The following GABRG3 variants were observed in gnomAD, a reference collection of about 807,000 sequenced individuals.
GABRG3 encodes gamma-aminobutyric acid receptor subunit gamma-3.
Under a neutral mutation model 48.8 loss-of-function variants are expected in GABRG3, and 25 were observed. The observed-to-expected ratio is 0.51, with a 90% CI of 0.37 to 0.72. GABRG3 has a LOEUF of 0.72. Among genes scored for constraint, GABRG3 ranks in the 30% least tolerant of loss-of-function variants. GABRG3 has a pLI of 0.00. For synonymous variants in GABRG3, 227 were observed against 217.6 expected (o/e 1.04, Z -0.38); for missense variants, 394 against 577.9 (o/e 0.68, Z 3.26).
At chr15:27,207,116 C>G (rs1455303963) in intron 3 of GABRG3, among the ~76,000 whole-genome samples, 1 of 152,108 alleles carries the variant, frequency 6.6e-6, no homozygotes, top group African/African-American at 2.4e-5. Flanking sequence ...GTTATGTAGA[C>G]TTGATTGTGT....
At chr15:27,229,476 GTTGT>G (rs1233012962) in intron 3 of GABRG3, among the ~76,000 whole-genome samples, 2 of 150,608 alleles carry the variant, frequency 1.3e-5, no homozygotes, top group African/African-American at 2.5e-5. Flanking sequence ...TGTGTGTGTT[GTTGT>G]TTGTTTGTTT....
intron 3 of GABRG3, among the ~76,000 whole-genome samples, chr15:27,147,729 G>A (rs1898235808): frequency 6.6e-6 from 1 of 151,536 alleles, no homozygotes; most frequent in Non-Finnish European, 1.5e-5. Context: ...ATAAAAAGTG[G>A]GTCAAATAAG....
At chr15:27,276,338 G>A (rs186983326) in intron 3 of GABRG3, among the ~76,000 whole-genome samples, 3 of 152,278 alleles carry the variant, frequency 2.0e-5, no homozygotes, top group Non-Finnish European at 2.9e-5. Flanking sequence ...GACAGATCCC[G>A]AATATGCTGT....
At chr15:27,205,910 G>A (rs1011597023) in intron 3 of GABRG3, among the ~76,000 whole-genome samples, 1 of 151,836 alleles carries the variant, frequency 6.6e-6, no homozygotes, top group Non-Finnish European at 1.5e-5. Flanking sequence ...ATGGTTGGTG[G>A]TAATGTCTCC....
chr15:27,486,620 T>C (rs1166283582), intron 6 of GABRG3, among the ~76,000 whole-genome samples: 1 of 152,156 alleles, frequency 6.6e-6, no homozygotes, highest in African/African-American at 2.4e-5. Flanking sequence ...TACTTGAACA[T>C]ATCTGCACCA....
chr15:27,238,211 G>A (rs1217699498), intron 3 of GABRG3, among the ~76,000 whole-genome samples: 1 of 151,660 alleles, frequency 6.6e-6, no homozygotes, highest in Non-Finnish European at 1.5e-5. Flanking sequence ...GATGAGGAAT[G>A]TATGCTTCCC....
At chr15:27,331,379 C>T (rs1893795969) in intron 5 of GABRG3, among the ~76,000 whole-genome samples, 5 of 152,066 alleles carry the variant, frequency 3.3e-5, no homozygotes. Context: ...CAAACCACGG[C>T]ATATTCATGC....
chr15:27,321,976 C>T (rs1276141825), intron 3 of GABRG3, among the ~76,000 whole-genome samples: 2 of 152,200 alleles, frequency 1.3e-5, no homozygotes, highest in South Asian at 2.1e-4. Flanking sequence ...GTTCACCAGC[C>T]TGATGGTTTA....
intron 5 of GABRG3, among the ~76,000 whole-genome samples, chr15:27,474,556 C>G (rs78250240): frequency 0.017 from 2,515 of 152,228 alleles, 80 homozygotes; most frequent in African/African-American, 0.058. Flanking sequence ...TTCCCAGCTT[C>G]ATTAGCTTAG....
At chr15:27,449,316 C>T (rs928403274) in intron 5 of GABRG3, among the ~76,000 whole-genome samples, 2 of 152,196 alleles carry the variant, frequency 1.3e-5, no homozygotes, top group South Asian at 4.1e-4. Context: ...CTCCTGACCT[C>T]TCTCAGGAAG....
chr15:27,399,528 G>A (rs1288381679), intron 5 of GABRG3, among the ~76,000 whole-genome samples: 1 of 152,156 alleles, frequency 6.6e-6, no homozygotes, highest in African/African-American at 2.4e-5. Context: ...AAACCATAGT[G>A]CGTTTCCAAT....
intron 6 of GABRG3, among the ~76,000 whole-genome samples, chr15:27,490,510 C>A (rs1214116622): frequency 6.6e-6 from 1 of 152,156 alleles, no homozygotes; most frequent in African/African-American, 2.4e-5. Context: ...AAATGCAGGC[C>A]TGTTTCCTGA....
At chr15:27,126,849 C>T (rs970961744) in intron 3 of GABRG3, among the ~76,000 whole-genome samples, 1 of 152,110 alleles carries the variant, frequency 6.6e-6, no homozygotes, top group Admixed American at 6.6e-5. Context: ...GCATTGGCTT[C>T]AGGTGACAGC....
intron 3 of GABRG3, among the ~76,000 whole-genome samples, chr15:27,053,807 G>A (rs1252590296): frequency 1.3e-5 from 2 of 152,334 alleles, no homozygotes; most frequent in African/African-American, 2.4e-5. Context: ...AAGAATGAAG[G>A]CATATCCTTT....
intron 3 of GABRG3, among the ~76,000 whole-genome samples, chr15:27,103,057 A>G (rs1276389116): frequency 6.6e-6 from 1 of 151,936 alleles, no homozygotes; most frequent in African/African-American, 2.4e-5. Flanking sequence ...GTGAATTATG[A>G]AACTAGTCTT....
In GABRG3 at chr15:26,986,275, G is replaced by A. The variant is rs186387675; in HGVS notation, c.202+9125G>A. ...GAGGAAACAGACATTCTTAATTGCT[G>A]TGCTTGAAGTAAAAGCTATTACTGT... On this transcript the variant is annotated intron_variant, in intron 2 of 9. Coordinates refer to ENST00000615808, the MANE Select transcript of GABRG3 (RefSeq NM_033223.5). 2.5e-3 allele frequency among the ~76,000 whole-genome samples: 382 copies of A among 152,322 alleles called. 3 individuals are homozygous for A. Among genetic ancestry groups the A allele is most frequent in the Admixed American group, 5.0e-3 (76 of 15,298 alleles).
intron 5 of GABRG3, among the ~76,000 whole-genome samples, chr15:27,476,246 A>G (rs1383270772): frequency 6.6e-6 from 1 of 152,214 alleles, no homozygotes; most frequent in Non-Finnish European, 1.5e-5. Context: ...TGTTGTCTAA[A>G]AGCAACAAAG....
intron 3 of GABRG3, among the ~76,000 whole-genome samples, chr15:27,178,940 T>C (rs1282866595): frequency 6.6e-6 from 1 of 152,202 alleles, no homozygotes; most frequent in Non-Finnish European, 1.5e-5. Context: ...GGTTTATGGC[T>C]GGCTTTGTAG....
intron 3 of GABRG3, among the ~76,000 whole-genome samples, chr15:27,047,970 G>C (rs1896391834): frequency 1.3e-5 from 2 of 152,232 alleles, no homozygotes; most frequent in African/African-American, 4.8e-5. Flanking sequence ...GAGAGAATCA[G>C]ATGAGCAGGG....
Sources: gnomAD v4.1 joint callset for allele counts (sites outside exome capture counted in the v4.1 genomes callset) on GRCh38, gnomAD v4.1.1 for gene constraint, MANE v1.5 for transcripts, NCBI Gene and HGNC (gene_info 2026-07-23, HGNC 2026-07-21) for gene names.